The following RYR2 variants were observed in gnomAD, a reference collection of about 807,000 sequenced individuals.
RYR2 encodes cardiac muscle ryanodine receptor-calcium release channel.
A neutral mutation model predicts 601.1 loss-of-function variants in RYR2; 227 were observed. The ratio of observed to expected loss-of-function variants is 0.38; its 90% CI spans 0.34 to 0.42. The LOEUF (loss-of-function observed/expected upper bound fraction) is 0.42, where lower values mean the gene tolerates loss of function less well. Among genes scored for constraint, RYR2 ranks in the 10% least tolerant of loss-of-function variants. The pLI is 1.00. For missense variants in RYR2, 4,646 were observed against 6,156.5 expected, an observed-to-expected ratio of 0.75 and a Z score of 8.21; for synonymous variants, 2,223 against 2,175.1, an observed-to-expected ratio of 1.02 and a Z score of -0.61.
At chr1:237,371,675 A>G (rs555998796) in intron 6 of RYR2, among the ~76,000 whole-genome samples, 1 of 152,342 alleles carries the variant, frequency 6.6e-6, no homozygotes, top group Non-Finnish European at 1.5e-5. Flanking sequence ...CAACTGGATT[A>G]AGAAAATGTG....
intron 27 of RYR2, among the ~76,000 whole-genome samples, chr1:237,561,675 A>C (rs1039334054): frequency 1.3e-5 from 2 of 152,194 alleles, no homozygotes; most frequent in Non-Finnish European, 2.9e-5. Flanking sequence ...AAAATATGGA[A>C]TATCTTGCAA....
At chr1:237,378,302 G>A (rs1701196892) in intron 8 of RYR2, among the ~76,000 whole-genome samples, 1 of 152,120 alleles carries the variant, frequency 6.6e-6, no homozygotes, top group Non-Finnish European at 1.5e-5. Context: ...CATATCAAAT[G>A]CATTTTGAAC....
chr1:237,628,953 T>A (rs1679969987), intron 41 of RYR2, among the ~76,000 whole-genome samples: 1 of 152,164 alleles, frequency 6.6e-6, no homozygotes, highest in African/African-American at 2.4e-5. Flanking sequence ...TTCATGTGGA[T>A]TTGGGGGTTA....
chr1:237,610,257 T>A lies in RYR2; in HGVS notation c.4684-505T>A, dbSNP rs1677687087. On this transcript the variant is annotated intron_variant, in intron 35 of 104. Transcript: ENST00000366574. This position sits in a 1 kb window ranked among gnomAD's most constrained non-coding sequence, Gnocchi z 4.9. ...ATGCCTAACATATTCTGTTTTCTTA[T>A]TCGGTAGTCAGGTTTATCTGTTGAG... Among the ~76,000 whole-genome samples the A allele has an allele frequency of 6.6e-6, 1 of 152,202 alleles. No individual in the cohort carries two copies. The highest frequency in any genetic ancestry group is 1.5e-5 in the Non-Finnish European group (1 of 68,036).
chr1:237,373,053 A>C (rs56364275), intron 6 of RYR2, among the ~76,000 whole-genome samples: 2,851 of 152,348 alleles, frequency 0.019, 91 homozygotes, highest in African/African-American at 0.065. Context: ...AAAAATTACA[A>C]AAGACTTTAA....
chr1:237,545,017 TAAAA>T (rs1669651442), intron 25 of RYR2, among the ~76,000 whole-genome samples: 1 of 152,206 alleles, frequency 6.6e-6, no homozygotes, highest in Non-Finnish European at 1.5e-5. Context: ...ATTAGCCATT[TAAAA>T]AAACAATTCT....
At chr1:237,275,663 T>C (rs1690204566) in intron 2 of RYR2, among the ~76,000 whole-genome samples, 1 of 151,922 alleles carries the variant, frequency 6.6e-6, no homozygotes, top group Non-Finnish European at 1.5e-5. Context: ...AAAAAATAAG[T>C]ACAATGCTTA....
At chr1:237,542,196 C>G (rs565660618) in intron 25 of RYR2, among the ~76,000 whole-genome samples, 4 of 152,038 alleles carry the variant, frequency 2.6e-5, no homozygotes, top group African/African-American at 9.7e-5. Context: ...CGGGTTCAAG[C>G]GATTCTCCTG....
intron 1 of RYR2, among the ~76,000 whole-genome samples, chr1:237,243,016 T>G (rs1686374043): frequency 6.6e-6 from 1 of 152,168 alleles, no homozygotes; most frequent in Non-Finnish European, 1.5e-5. Context: ...TGGCAGTGTT[T>G]CCTTCAGTGT....
At chr1:237,421,111 C>A (rs977402573) in intron 11 of RYR2, among the ~76,000 whole-genome samples, 2 of 152,080 alleles carry the variant, frequency 1.3e-5, no homozygotes, top group Admixed American at 1.3e-4. Context: ...CGGTGGCTGG[C>A]GCCTATAGTC....
intron 21 of RYR2, among the ~76,000 whole-genome samples, chr1:237,501,214 G>C (rs945914989): frequency 5.3e-5 from 8 of 150,000 alleles, no homozygotes; most frequent in Non-Finnish European, 8.9e-5. Flanking sequence ...GATGAAATGA[G>C]CAAGGCTGTT....
intron 101 of RYR2, among the ~76,000 whole-genome samples, chr1:237,821,028 T>C (rs2819731): frequency 0.26 from 39,810 of 151,894 alleles, 5,630 homozygotes; most frequent in East Asian, 0.61. Context: ...ATCCTAGTTA[T>C]TTACTTATAG....
intron 32 of RYR2, among the ~76,000 whole-genome samples, chr1:237,593,258 GTTATTTC>G (rs1675434358): frequency 6.6e-6 from 1 of 152,072 alleles, no homozygotes. Context: ...TCTCTTTCCT[GTTATTTC>G]TTATTTAATT....
intron 1 of RYR2, among the ~76,000 whole-genome samples, chr1:237,065,367 C>T (rs1246646192): frequency 6.7e-6 from 1 of 148,428 alleles, no homozygotes; most frequent in Non-Finnish European, 1.5e-5. Flanking sequence ...TCAACCTCCA[C>T]CTCCCGGGTT....
At chr1:237,459,962 A>G (rs1659285461) in intron 16 of RYR2, among the ~76,000 whole-genome samples, 1 of 152,328 alleles carries the variant, frequency 6.6e-6, no homozygotes, top group African/African-American at 2.4e-5. Context: ...TGGAAATAAC[A>G]GAATACCCAA....
intron 1 of RYR2, among the ~76,000 whole-genome samples, chr1:237,209,014 C>A (rs1357006498): frequency 4.7e-5 from 6 of 128,166 alleles, no homozygotes; most frequent in Non-Finnish European, 9.6e-5. Context: ...ATGATTCAGC[C>A]ATGTGAAAAT....
At chr1:237,530,326 T>A (rs1402141850) in intron 24 of RYR2, 101 bp from the exon 25 acceptor site, 76 of 659,750 alleles carry the variant, frequency 1.2e-4, no homozygotes, top group Non-Finnish European at 1.6e-4. Context: ...AAAAAAAAAA[T>A]TGTGCTTTCA....
chr1:237,171,454 T>TA (rs1481229704), intron 1 of RYR2, among the ~76,000 whole-genome samples: 1 of 152,114 alleles, frequency 6.6e-6, no homozygotes, highest in Non-Finnish European at 1.5e-5. Flanking sequence ...CTAGAGGAAA[T>TA]ACAGGTGCCA....
At chr1:237,343,188 A>G (rs1572664827) in intron 3 of RYR2, among the ~76,000 whole-genome samples, 2 of 151,830 alleles carry the variant, frequency 1.3e-5, no homozygotes, top group South Asian at 2.1e-4. Flanking sequence ...GTGCCACTAC[A>G]CTCCAACCTG....
Sources: allele counts gnomAD v4.1 joint callset (sites outside exome capture counted in the v4.1 genomes callset), GRCh38; gene constraint gnomAD v4.1.1; non-coding constraint Gnocchi (gnomAD v3.1); transcripts MANE v1.5; gene names NCBI Gene and HGNC (gene_info 2026-07-23, HGNC 2026-07-21).